The following SNURF variants were observed in gnomAD, a reference collection of about 807,000 sequenced individuals.
The protein encoded by SNURF is SNURF protein.
A neutral mutation model predicts 11.6 loss-of-function variants in SNURF; 6 were observed. The observed-to-expected ratio is 0.52, with a 90% confidence interval of 0.28 to 1.02. The LOEUF (loss-of-function observed/expected upper bound fraction) is 1.02, where lower values mean the gene tolerates loss of function less well. Among genes scored for constraint, SNURF ranks in the 50% least tolerant of loss-of-function variants. The pLI is 0.09. For synonymous variants in SNURF, 29 were observed against 31.6 expected (o/e 0.92, Z 0.27); for missense variants, 84 against 88.4 (o/e 0.95, Z 0.20).
chr15:24,978,570 C>T, downstream of SNURF: 1 of 881,112 alleles, frequency 1.1e-6, no homozygotes, highest in South Asian at 1.4e-5. Flanking sequence ...ATGCATAGAG[C>T]AATTAAACTG....
chr15:24,961,091 C>T (rs2074725090), intron 1 of SNURF, among the ~76,000 whole-genome samples: 1 of 151,904 alleles, frequency 6.6e-6, no homozygotes, highest in African/African-American at 2.4e-5. Flanking sequence ...TGATGAAGTC[C>T]ACTTTATTTT....
intron 1 of SNURF, among the ~76,000 whole-genome samples, chr15:24,960,651 T>C (rs1003942176): frequency 1.3e-5 from 2 of 152,236 alleles, no homozygotes; most frequent in Non-Finnish European, 2.9e-5. Context: ...CAGCATCATT[T>C]CATATAGATT....
intron 2 of SNURF, chr15:24,966,977 G>A (rs959186590): frequency 1.6e-4 from 24 of 151,996 alleles, no homozygotes; most frequent in African/African-American, 5.3e-4. Context: ...GTAGATGATT[G>A]GTTTACATAT....
At chr15:24,964,037 GA>G (rs577352737) in intron 2 of SNURF, among the ~76,000 whole-genome samples, 5 of 149,818 alleles carry the variant, frequency 3.3e-5, no homozygotes, top group African/African-American at 7.3e-5. Flanking sequence ...GTCTCAAAAA[GA>G]AAAAAAAAGT....
rs35079024 is a variant in SNURF, at chr15:24,967,641, T to TA, written c.111-274dup. Among the ~76,000 whole-genome samples, 893 of 133,970 alleles carry TA rather than the reference T, an allele frequency of 6.7e-3. 4 individuals are homozygous for TA. Among genetic ancestry groups the TA allele is most frequent in the Non-Finnish European group, 9.2e-3 (571 of 62,162 alleles). The allele number at this position is 133,970 out of a possible 152,430, so 87.9% of individuals were successfully genotyped here. ...TGGGCGACAGAGTGAGACTCTGTCT[T>TA]AAAAAAAAAAAAAAAAATTAGCTGG... On this transcript the variant is annotated intron_variant, in intron 2 of 2. Transcript: ENST00000577949.
chr15:24,973,233 G>C (rs774099701), downstream of SNURF, among the ~76,000 whole-genome samples: 3 of 151,996 alleles, frequency 2.0e-5, no homozygotes, highest in Non-Finnish European at 4.4e-5. Context: ...TAGTATGCAG[G>C]ATAGTAACAT....
At chr15:24,969,793 A>G (rs551968481), downstream of SNURF, among the ~76,000 whole-genome samples, 2 of 152,196 alleles carry the variant, frequency 1.3e-5, no homozygotes, top group Non-Finnish European at 2.9e-5. Context: ...GTATTCCTGT[A>G]GAAGAAGGGT....
chr15:24,962,547 G>A lies in SNURF; in HGVS notation c.110+338G>A, dbSNP rs556903571. On this transcript the variant is annotated intron_variant, in intron 2 of 2. Coordinates refer to ENST00000577949, the Ensembl canonical transcript of SNURF. Reference sequence around the variant, plus strand: ...CTTGCAAAATGTACTGTGCGCTGAAGTGATTAATTTACATATTCATTCTTG... The same window carrying A: ...CTTGCAAAATGTACTGTGCGCTGAAATGATTAATTTACATATTCATTCTTG... Among the ~76,000 whole-genome samples the A allele has an allele frequency of 2.6e-4, 40 of 152,250 alleles. 2 individuals carry two copies. In the South Asian group the frequency reaches 8.3e-3, roughly 32 times the overall value.
At chr15:24,957,028 C>T (rs887463518) in intron 1 of SNURF, among the ~76,000 whole-genome samples, 1 of 152,076 alleles carries the variant, frequency 6.6e-6, no homozygotes, top group African/African-American at 2.4e-5. Context: ...TTTTGTAGTT[C>T]CTCTCTTGGT....
At chr15:24,957,015 C>T (rs1484013521) in intron 1 of SNURF, among the ~76,000 whole-genome samples, 2 of 152,182 alleles carry the variant, frequency 1.3e-5, no homozygotes, top group Non-Finnish European at 2.9e-5. Flanking sequence ...CGTACCTTTT[C>T]ATTTTTGTAG....
At chr15:24,961,346 C>T (rs72695314) in intron 1 of SNURF, among the ~76,000 whole-genome samples, 1,803 of 152,218 alleles carry the variant, frequency 0.012, 25 homozygotes, top group Admixed American at 0.021. Flanking sequence ...TAGCTTTTGG[C>T]ATGTATCTTT....
At position 24,974,495 on chromosome 15, in the gene SNURF, T is replaced by TA. The variant is rs773359146; in HGVS notation, c.*46-861dup. 10 of 1,605,838 alleles carry TA rather than the reference T, an allele frequency of 6.2e-6. No individual in the cohort carries two copies. In the African/African-American group the frequency reaches 1.3e-4, roughly 21 times the overall value. ...TAAGGCTGAGGGTTGAAATGTGCTGTAAGGGCCGAAAGAAATAGTTTGCCA... is the reference window on the plus strand; with the variant it reads ...TAAGGCTGAGGGTTGAAATGTGCTGTAAAGGGCCGAAAGAAATAGTTTGCCA... On this transcript the variant is annotated intron_variant and NMD_transcript_variant, in intron 3 of 6. Coordinates refer to the SNURF transcript ENST00000580062.
chr15:24,955,315 C>T (rs558827099), intron 1 of SNURF, among the ~76,000 whole-genome samples: 2 of 152,130 alleles, frequency 1.3e-5, no homozygotes, highest in Admixed American at 6.5e-5. Context: ...GCGACAGGTC[C>T]TATTGCGGGT....
chr15:24,969,172 A>G (rs2076078652), downstream of SNURF, among the ~76,000 whole-genome samples: 1 of 152,160 alleles, frequency 6.6e-6, no homozygotes, highest in Non-Finnish European at 1.5e-5. Context: ...TCTGTTGCCC[A>G]GGCTGGAGTG....
intron 5 of SNURF, chr15:24,976,861 A>C (rs1163102294): frequency 6.2e-7 from 1 of 1,604,178 alleles, no homozygotes; most frequent in Admixed American, 1.7e-5. Context: ...TTAGGCTATG[A>C]ATTTTCTTGT....
exon 3 of SNURF, chr15:24,968,305 T>C (rs1406083122): frequency 8.6e-6 from 3 of 347,676 alleles, no homozygotes; most frequent in African/African-American, 6.4e-5. Flanking sequence ...GCTTTTCAGG[T>C]AGTTTTCTTT....
chr15:24,968,693 A>C (rs1423786862), downstream of SNURF: 2 of 152,246 alleles, frequency 1.3e-5, no homozygotes, highest in Non-Finnish European at 2.9e-5. Flanking sequence ...TGAGTATTAG[A>C]GAATCTAAAT....
At chr15:24,961,701 A>G (rs1236609054) in intron 1 of SNURF, among the ~76,000 whole-genome samples, 3 of 152,130 alleles carry the variant, frequency 2.0e-5, no homozygotes, top group East Asian at 1.9e-4. Flanking sequence ...CTATATAAGT[A>G]TGTCTACTGT....
downstream of SNURF, among the ~76,000 whole-genome samples, chr15:24,969,142 A>G (rs533606352): frequency 3.8e-4 from 57 of 151,964 alleles, no homozygotes; most frequent in Admixed American, 5.9e-4. Flanking sequence ...TAATTTATTT[A>G]TTTAGAGATG....
Sources: allele counts gnomAD v4.1 joint callset (sites outside exome capture counted in the v4.1 genomes callset), GRCh38; gene constraint gnomAD v4.1.1; transcripts MANE v1.5; gene names NCBI Gene and HGNC (gene_info 2026-07-23, HGNC 2026-07-21).